Variants in KLF12 observed in about 807,000 individuals in gnomAD.
KLF12 encodes Krueppel-like factor 12.
Under a neutral mutation model 37.8 loss-of-function variants are expected in KLF12, and 9 were observed. The ratio of observed to expected loss-of-function variants is 0.24; its 90% CI spans 0.14 to 0.42. KLF12 has a LOEUF of 0.42. KLF12 is among the 10% of genes least tolerant of loss of function. KLF12 has a pLI of 1.00. For synonymous variants in KLF12, 208 were observed against 202.1 expected, an observed-to-expected ratio of 1.03 and a Z score of -0.25; for missense variants, 411 against 516.0, an observed-to-expected ratio of 0.80 and a Z score of 1.97.
At chr13:73,743,894 T>C (rs1387974036) in intron 6 of KLF12, among the ~76,000 whole-genome samples, 1 of 152,192 alleles carries the variant, frequency 6.6e-6, no homozygotes, top group Non-Finnish European at 1.5e-5. Context: ...AGGGCTCTTA[T>C]CATTTACTAA....
the KLF12 span, among the ~76,000 whole-genome samples, chr13:74,196,655 T>C: frequency 6.6e-6 from 1 of 152,194 alleles, no homozygotes; most frequent in African/African-American, 2.4e-5. Flanking sequence ...AGCCTGAGCA[T>C]GGTCACAGTG....
At chr13:74,146,031 AC>A in the KLF12 span, among the ~76,000 whole-genome samples, 3 of 152,208 alleles carry the variant, frequency 2.0e-5, no homozygotes, top group African/African-American at 7.2e-5. Context: ...TGCTATAATT[AC>A]CTTGGAATTT....
rs1391595853 is a variant in KLF12, at chr13:73,952,783, C to T, written c.34-8713G>A. Reference sequence around the variant, plus strand: ...TTATTAAGCAAAAGCTAAGTTTAAGCGTTGTTTACAGAAAGACAGGACTAG... The same window carrying T: ...TTATTAAGCAAAAGCTAAGTTTAAGTGTTGTTTACAGAAAGACAGGACTAG... On this transcript the variant is annotated intron_variant, in intron 2 of 7. Coordinates refer to ENST00000377669, the MANE Select transcript of KLF12 (RefSeq NM_007249.5). Among the ~76,000 whole-genome samples, 3 of 152,060 alleles carry T rather than the reference C, an allele frequency of 2.0e-5. No individual in the cohort carries two copies. The East Asian group carries it at 5.8e-4, about 29-fold the overall frequency.
chr13:73,722,826 T>C (rs1381805554), intron 6 of KLF12, among the ~76,000 whole-genome samples: 3 of 152,250 alleles, frequency 2.0e-5, no homozygotes, highest in Non-Finnish European at 4.4e-5. Flanking sequence ...TATTTAATTA[T>C]TGTTTTACTT....
chr13:73,782,231 T>C (rs914522858), intron 5 of KLF12, among the ~76,000 whole-genome samples: 11 of 152,178 alleles, frequency 7.2e-5, no homozygotes, highest in Admixed American at 5.9e-4. Context: ...ATAATGGGGA[T>C]AGTTCAAAAC....
At chr13:73,985,101 C>A (rs190270578) in intron 2 of KLF12, among the ~76,000 whole-genome samples, 1 of 152,198 alleles carries the variant, frequency 6.6e-6, no homozygotes, top group South Asian at 2.1e-4. Flanking sequence ...GCGTTGCAGC[C>A]AACAGACTGG....
intron 6 of KLF12, among the ~76,000 whole-genome samples, chr13:73,737,986 C>G (rs1276145345): frequency 8.6e-6 from 1 of 116,948 alleles, no homozygotes; most frequent in Non-Finnish European, 1.7e-5. Flanking sequence ...TTAAAATCAA[C>G]ATAGTTTAAC....
intron 2 of KLF12, among the ~76,000 whole-genome samples, chr13:73,971,389 G>T (rs1030063899): frequency 4.6e-5 from 7 of 152,106 alleles, no homozygotes; most frequent in Non-Finnish European, 1.0e-4. Context: ...CTCTAATGCA[G>T]GCACAGTAAT....
At chr13:73,842,248 A>G (rs1884776381) in intron 4 of KLF12, among the ~76,000 whole-genome samples, 2 of 152,186 alleles carry the variant, frequency 1.3e-5, no homozygotes, top group African/African-American at 4.8e-5. Context: ...GACATCCTAC[A>G]TGAAAATACT....
Position 73,784,157 on chromosome 13 carries a change from T to C in KLF12, c.807-19157A>G, listed in dbSNP as rs532668598. 2.6e-5 allele frequency among the ~76,000 whole-genome samples: 4 copies of C among 152,314 alleles called. No individual in the cohort carries two copies. In the South Asian group the frequency reaches 8.3e-4, roughly 32 times the overall value. On this transcript the variant is annotated intron_variant, in intron 5 of 7. Transcript: ENST00000377669. ...AAAAGAAGTCACAATCTCTGTTGCT[T>C]CTTTCAGAGCTTACCATCTGCAGTG...
chr13:73,753,337 T>G (rs1038465186), intron 6 of KLF12, among the ~76,000 whole-genome samples: 1 of 152,224 alleles, frequency 6.6e-6, no homozygotes, highest in African/African-American at 2.4e-5. Flanking sequence ...CTCACCCAGA[T>G]GGTTCCTTCC....
At chr13:73,840,548 C>T (rs577825451) in intron 4 of KLF12, among the ~76,000 whole-genome samples, 4 of 152,222 alleles carry the variant, frequency 2.6e-5, no homozygotes, top group East Asian at 1.9e-4. Flanking sequence ...ATAGGTCAGC[C>T]AAAAACCTAG....
chr13:73,700,554 T>C (rs1874477395), intron 7 of KLF12, among the ~76,000 whole-genome samples: 1 of 151,808 alleles, frequency 6.6e-6, no homozygotes, highest in African/African-American at 2.4e-5. Flanking sequence ...TTAATAAAAT[T>C]AGAATTTAAG....
the KLF12 span, among the ~76,000 whole-genome samples, chr13:74,262,670 T>C: frequency 2.6e-5 from 4 of 152,282 alleles, no homozygotes; most frequent in East Asian, 3.9e-4. Context: ...AAACACAATT[T>C]TTTTTGATCC....
chr13:73,967,377 G>A (rs1265797844), intron 2 of KLF12, among the ~76,000 whole-genome samples: 2 of 152,180 alleles, frequency 1.3e-5, no homozygotes, highest in East Asian at 1.9e-4. Context: ...TGTATTCAAC[G>A]CCAGAAGAAT....
At position 73,705,120 on chromosome 13, in the gene KLF12, A is replaced by G. The variant is rs144695621; in HGVS notation, c.1028-9449T>C. On this transcript the variant is annotated intron_variant, in intron 7 of 7. Transcript: ENST00000377669. ...AGTCTGCAAACAAATATTTTGTTTT[A>G]AACCTCTGAAATTAGTAACGTGTGA... Among the ~76,000 whole-genome samples, 803 of 152,332 alleles carry G rather than the reference A, an allele frequency of 5.3e-3. 6 individuals carry two copies. Among genetic ancestry groups the G allele is most frequent in the African/African-American group, 0.018 (742 of 41,580 alleles).
intron 7 of KLF12, among the ~76,000 whole-genome samples, chr13:73,705,218 T>C (rs554369041): frequency 6.6e-6 from 1 of 152,354 alleles, no homozygotes; most frequent in South Asian, 2.1e-4. Flanking sequence ...AATTGTATTA[T>C]TCTTAGTTAT....
At chr13:73,765,569 G>GA (rs1162633593) in intron 5 of KLF12, among the ~76,000 whole-genome samples, 13 of 152,294 alleles carry the variant, frequency 8.5e-5, no homozygotes, top group African/African-American at 3.1e-4. Flanking sequence ...GGACTTTGAA[G>GA]AAAGTAAAGT....
At chr13:73,708,163 T>G (rs554483869) in intron 7 of KLF12, among the ~76,000 whole-genome samples, 1 of 152,286 alleles carries the variant, frequency 6.6e-6, no homozygotes, top group South Asian at 2.1e-4. Context: ...TAAACTTCCT[T>G]AATGTACAAA....
Sources: allele counts gnomAD v4.1 joint callset (sites outside exome capture counted in the v4.1 genomes callset), GRCh38; gene constraint gnomAD v4.1.1; transcripts MANE v1.5; gene names NCBI Gene and HGNC (gene_info 2026-07-23, HGNC 2026-07-21).